Variants in PTPRD observed in about 807,000 individuals in gnomAD.
PTPRD encodes protein tyrosine phosphatase receptor type D.
A neutral mutation model predicts 214.5 loss-of-function variants in PTPRD; 34 were observed. The observed-to-expected ratio is 0.16, with a 90% confidence interval of 0.12 to 0.21. PTPRD has a LOEUF of 0.21. PTPRD is among the 10% of genes least tolerant of loss of function. PTPRD has a pLI of 1.00. For synonymous variants in PTPRD, 1,128 were observed against 845.7 expected (o/e 1.33, Z -5.79); for missense variants, 2,545 against 2,398.7 (o/e 1.06, Z -1.27).
rs375168457 is a variant in PTPRD at position 8,508,672 on chromosome 9, T to C, written c.1544-1238A>G. Among the ~76,000 whole-genome samples, 16 of 152,202 alleles carry C rather than the reference T, an allele frequency of 1.1e-4. No homozygotes were observed. In the East Asian group the frequency reaches 1.5e-3, roughly 15 times the overall value. On this transcript the variant is annotated intron_variant, in intron 21 of 45. Coordinates refer to ENST00000381196, the MANE Select transcript of PTPRD (RefSeq NM_002839.4). Reference sequence around the variant, plus strand: ...TCTAAAGTGGCAACCTCAGCAAAAATATTTAAAAATACATATAATACAGTA... The same window carrying C: ...TCTAAAGTGGCAACCTCAGCAAAAACATTTAAAAATACATATAATACAGTA...
intron 4 of PTPRD, among the ~76,000 whole-genome samples, chr9:9,990,563 C>G (rs1258074075): frequency 2.0e-5 from 3 of 152,146 alleles, no homozygotes; most frequent in Admixed American, 6.5e-5. Flanking sequence ...CTGCCCAGGT[C>G]CTAGGGAAAT....
intron 11 of PTPRD, among the ~76,000 whole-genome samples, chr9:9,011,972 C>T (rs1018922800): frequency 6.6e-6 from 1 of 152,144 alleles, no homozygotes; most frequent in Non-Finnish European, 1.5e-5. Flanking sequence ...ATTTTACTCT[C>T]TTGATTATGA....
At chr9:8,328,676 A>G (rs1027764731) in intron 44 of PTPRD, among the ~76,000 whole-genome samples, 3 of 151,854 alleles carry the variant, frequency 2.0e-5, no homozygotes, top group Non-Finnish European at 4.4e-5. Context: ...CAATCAAAGT[A>G]AATTTGGTGT....
intron 3 of PTPRD, among the ~76,000 whole-genome samples, chr9:10,300,616 G>C (rs564069053): frequency 6.6e-6 from 1 of 152,106 alleles, no homozygotes; most frequent in Non-Finnish European, 1.5e-5. Context: ...TGAGTAAGTG[G>C]TTTTACCCTC....
chr9:9,470,282 T>G (rs2094499822), intron 8 of PTPRD, among the ~76,000 whole-genome samples: 1 of 152,170 alleles, frequency 6.6e-6, no homozygotes, highest in African/African-American at 2.4e-5. Context: ...ATATTCACAT[T>G]TGGCTGTTTC....
intron 2 of PTPRD, among the ~76,000 whole-genome samples, chr9:10,401,582 A>T (rs10959091): frequency 0.61 from 90,484 of 147,328 alleles, 29,084 homozygotes; most frequent in Non-Finnish European, 0.72. Flanking sequence ...TATATATATA[A>T]ACAGGTACAT....
chr9:10,264,389 C>T (rs1853201), intron 3 of PTPRD, among the ~76,000 whole-genome samples: 13,168 of 152,190 alleles, frequency 0.087, 678 homozygotes, highest in Non-Finnish European at 0.11. Flanking sequence ...GTTGGAGCTG[C>T]CCAAGACCAT....
chr9:9,046,653 A>G (rs2099672944), intron 10 of PTPRD, among the ~76,000 whole-genome samples: 1 of 152,188 alleles, frequency 6.6e-6, no homozygotes, highest in South Asian at 2.1e-4. Context: ...AAAGGAATAG[A>G]TAGTAAATAT....
intron 8 of PTPRD, among the ~76,000 whole-genome samples, chr9:9,462,096 G>C (rs2093711400): frequency 6.6e-6 from 1 of 152,024 alleles, no homozygotes; most frequent in Non-Finnish European, 1.5e-5. Flanking sequence ...TCTCCAATAT[G>C]TGATATATTG....
At chr9:8,547,761 C>A (rs1414107676) in intron 14 of PTPRD, among the ~76,000 whole-genome samples, 1 of 151,728 alleles carries the variant, frequency 6.6e-6, no homozygotes, top group Non-Finnish European at 1.5e-5. Context: ...AAGATATATA[C>A]CCACACAAAA....
Position 8,518,378 on chromosome 9 carries a change from C to A in PTPRD, c.1013G>T (p.Ser338Ile), listed in dbSNP as rs2138588214. Residue 338 changes from serine (S) to isoleucine (I), a missense_variant, in exon 21 of 46, where the codon AGC (serine) becomes ATC (isoleucine). Coordinates refer to ENST00000381196, the MANE Select transcript of PTPRD (RefSeq NM_002839.4). Reference sequence around the variant, plus strand: ...CCCAGAGTCCCACGTCAGTGTGATGCTTGTAGCTGTGCTCTCGGTCACTAC... The same window carrying A: ...CCCAGAGTCCCACGTCAGTGTGATGATTGTAGCTGTGCTCTCGGTCACTAC... ...TPVVTESTATSITLTWDSGNP... is the reference protein window; with the variant it reads ...TPVVTESTATIITLTWDSGNP... The A allele has an allele frequency of 6.2e-7, 1 of 1,613,862 alleles. No homozygotes were observed.
At chr9:10,483,758 TA>T (rs2099115168) in intron 2 of PTPRD, among the ~76,000 whole-genome samples, 3 of 152,066 alleles carry the variant, frequency 2.0e-5, no homozygotes, top group Admixed American at 2.0e-4. Context: ...TGGCCATTAT[TA>T]AAAAGTCAAA....
chr9:10,205,364 CTTCT>C (rs1381950874), intron 3 of PTPRD, among the ~76,000 whole-genome samples: 12 of 149,050 alleles, frequency 8.1e-5, no homozygotes, highest in African/African-American at 1.5e-4. Context: ...AATTCTTCTT[CTTCT>C]TTATTTTATT....
intron 3 of PTPRD, among the ~76,000 whole-genome samples, chr9:10,097,689 G>A (rs2098505720): frequency 6.6e-6 from 1 of 151,770 alleles, no homozygotes; most frequent in Admixed American, 6.6e-5. Flanking sequence ...TGCAAACAGG[G>A]ACAATTTGAC....
intron 5 of PTPRD, among the ~76,000 whole-genome samples, chr9:9,869,919 A>G (rs1302790865): frequency 1.3e-5 from 2 of 152,086 alleles, no homozygotes; most frequent in Non-Finnish European, 2.9e-5. Flanking sequence ...ACTAGATGAC[A>G]TTAAGCAATG....
rs143352362 is a variant in PTPRD at position 8,766,725 on chromosome 9, G to T, written c.-103-32779C>A. On this transcript the variant is annotated intron_variant, in intron 11 of 45. Coordinates refer to ENST00000381196, the MANE Select transcript of PTPRD (RefSeq NM_002839.4). ...ATCATCACTCATGGATTCACCAAAA[G>T]TTGGGTAAATAATTGTCTTACTTGT... Among the ~76,000 whole-genome samples the T allele has an allele frequency of 9.4e-3, 1,435 of 152,202 alleles. 24 individuals are homozygous for T. Among genetic ancestry groups the T allele is most frequent in the African/African-American group, 0.031 (1,279 of 41,526 alleles).
chr9:9,705,799 A>G (rs755409512), intron 7 of PTPRD, among the ~76,000 whole-genome samples: 4 of 152,226 alleles, frequency 2.6e-5, no homozygotes, highest in African/African-American at 4.8e-5. Flanking sequence ...TTATCAACTT[A>G]TACCATTCTT....
chr9:8,443,751 A>C (rs1186766052), intron 34 of PTPRD, among the ~76,000 whole-genome samples: 1 of 152,190 alleles, frequency 6.6e-6, no homozygotes, highest in African/African-American at 2.4e-5. Context: ...GCAGAGGGGA[A>C]GGTAATGATT....
chr9:9,242,184 C>T (rs1281850849), intron 9 of PTPRD, among the ~76,000 whole-genome samples: 5 of 152,206 alleles, frequency 3.3e-5, no homozygotes, highest in Admixed American at 6.5e-5. Flanking sequence ...CCACTCTCTT[C>T]TGGCTTGTAG....
Sources: allele counts gnomAD v4.1 joint callset (sites outside exome capture counted in the v4.1 genomes callset), GRCh38; gene constraint gnomAD v4.1.1; transcripts MANE v1.5; gene names NCBI Gene and HGNC (gene_info 2026-07-23, HGNC 2026-07-21).